Variants in DARS1 observed in about 807,000 individuals in gnomAD.
DARS1 encodes the protein aspartate--tRNA ligase, cytoplasmic.
Under a neutral mutation model 68.8 loss-of-function variants are expected in DARS1, and 51 were observed. That is an observed-to-expected ratio of 0.74 (90% CI 0.59 to 0.94). The LOEUF is 0.94. Ranked by LOEUF, DARS1 falls within the 40% of genes least tolerant of loss-of-function variation. DARS1 has a pLI of 0.00. For missense variants in DARS1, 607 were observed against 597.3 expected, an observed-to-expected ratio of 1.02 and a Z score of -0.17; for synonymous variants, 203 against 190.4, an observed-to-expected ratio of 1.07 and a Z score of -0.55.
At chr2:135,913,265 T>C (rs1422398222) in intron 12 of DARS1, among the ~76,000 whole-genome samples, 1 of 152,178 alleles carries the variant, frequency 6.6e-6, no homozygotes, top group Non-Finnish European at 1.5e-5. Flanking sequence ...ATTTGATGTA[T>C]TTTACAATAT....
intron 10 of DARS1, 55 bp from the exon 11 acceptor site, chr2:135,916,427 A>AGTGACCTCTTGTGGGGG: frequency 9.6e-7 from 1 of 1,041,068 alleles, no homozygotes; most frequent in Non-Finnish European, 1.5e-6. Context: ...TTTCCCCCAC[A>AGTGACCTCTTGTGGGGG]AGAGGTCACT....
intron 3 of DARS1, among the ~76,000 whole-genome samples, chr2:135,976,257 T>C (rs1244455880): frequency 2.0e-5 from 3 of 152,228 alleles, no homozygotes; most frequent in African/African-American, 7.2e-5. Context: ...GCAGAACAAG[T>C]GAATTACACT....
At chr2:135,951,363 G>A (rs1681834964) in intron 4 of DARS1, among the ~76,000 whole-genome samples, 1 of 152,172 alleles carries the variant, frequency 6.6e-6, no homozygotes, top group Non-Finnish European at 1.5e-5. Context: ...ATTTATTCCA[G>A]ATTAATGGTG....
chr2:135,917,528 C>T (rs990355022), intron 10 of DARS1, among the ~76,000 whole-genome samples: 2 of 151,556 alleles, frequency 1.3e-5, no homozygotes, highest in Non-Finnish European at 1.5e-5. Flanking sequence ...CAGGCTGGAG[C>T]GCAGTGGTGC....
chr2:135,950,835 T>G (rs74674565), intron 4 of DARS1, among the ~76,000 whole-genome samples: 3 of 152,088 alleles, frequency 2.0e-5, no homozygotes, highest in African/African-American at 7.2e-5. Flanking sequence ...AGCCTGGTGT[T>G]AGATGATGGA....
chr2:135,978,298 A>G (rs1440108952), intron 3 of DARS1, among the ~76,000 whole-genome samples: 1 of 152,182 alleles, frequency 6.6e-6, no homozygotes, highest in Non-Finnish European at 1.5e-5. Flanking sequence ...ACAATTAAAA[A>G]ATGCTATTAT....
intron 4 of DARS1, among the ~76,000 whole-genome samples, chr2:135,960,302 G>A (rs1051921948): frequency 1.3e-5 from 2 of 152,094 alleles, no homozygotes; most frequent in African/African-American, 2.4e-5. Context: ...TCTTAAATCC[G>A]AGTGCAGGTA....
intron 5 of DARS1, among the ~76,000 whole-genome samples, chr2:135,939,219 C>A (rs1681541152): frequency 1.3e-5 from 2 of 152,184 alleles, no homozygotes; most frequent in South Asian, 4.1e-4. Context: ...CTTCTCAGCA[C>A]CACATTGCAC....
chr2:135,941,532 G>A (rs1482150372), intron 5 of DARS1, among the ~76,000 whole-genome samples: 7 of 151,600 alleles, frequency 4.6e-5, no homozygotes, highest in Non-Finnish European at 8.8e-5. Flanking sequence ...AGACTTAAAC[G>A]TTAGACCTAA....
At chr2:135,960,248 T>C (rs1682071426) in intron 4 of DARS1, among the ~76,000 whole-genome samples, 1 of 152,206 alleles carries the variant, frequency 6.6e-6, no homozygotes. Context: ...ATTAAAATAC[T>C]ACTGATCTCA....
rs1201609764 is a variant in DARS1 at position 135,983,436 on chromosome 2, A to C, written c.85T>G (p.Tyr29Asp). Residue 29 changes from tyrosine (Y) to aspartate (D), a missense_variant, in exon 2 of 16, where the codon TAT becomes GAT. Tyr to Asp is a radical substitution (Grantham distance 160). Coordinates refer to ENST00000264161, the MANE Select transcript of DARS1 (RefSeq NM_001349.4). ...DAAEDYAKERYGISSMIQSQE... is the reference protein window; with the variant it reads ...DAAEDYAKERDGISSMIQSQE... ...GATTGTATCATTGAAGATATTCCATATCTCTCTTTAGCATAATCCTACAAA... is the reference window on the plus strand; with the variant it reads ...GATTGTATCATTGAAGATATTCCATCTCTCTCTTTAGCATAATCCTACAAA... 4 of 1,207,124 alleles carry C rather than the reference A, an allele frequency of 3.3e-6. No homozygotes were observed. The South Asian group carries it at 3.8e-5, about 11-fold the overall frequency. 74.8% of individuals were successfully genotyped at this position (1,207,124 alleles called of 1,614,324 possible).
intron 4 of DARS1, among the ~76,000 whole-genome samples, chr2:135,956,172 C>T (rs1558793398): frequency 6.6e-6 from 1 of 152,024 alleles, no homozygotes; most frequent in Non-Finnish European, 1.5e-5. Context: ...TCAGGGAAAA[C>T]CAGAGATGGA....
At chr2:135,940,165 A>G (rs937624079) in intron 5 of DARS1, among the ~76,000 whole-genome samples, 1 of 152,248 alleles carries the variant, frequency 6.6e-6, no homozygotes, top group Non-Finnish European at 1.5e-5. Context: ...TTATGAGGTC[A>G]GCATCATCCT....
At chr2:135,955,606 A>G (rs1215663228) in intron 4 of DARS1, among the ~76,000 whole-genome samples, 1 of 151,962 alleles carries the variant, frequency 6.6e-6, no homozygotes, top group African/African-American at 2.4e-5. Flanking sequence ...CAGCATCAAA[A>G]GAACAAAAAT....
At chr2:135,926,382 T>C (rs1192939888) in intron 7 of DARS1, among the ~76,000 whole-genome samples, 3 of 152,118 alleles carry the variant, frequency 2.0e-5, no homozygotes, top group Non-Finnish European at 2.9e-5. Context: ...ATAAGAAAAA[T>C]GATTTTTTTC....
intron 5 of DARS1, among the ~76,000 whole-genome samples, chr2:135,937,534 A>G (rs1199659888): frequency 6.6e-6 from 1 of 152,320 alleles, no homozygotes; most frequent in East Asian, 1.9e-4. Context: ...TAGTTAATTA[A>G]TCATTCTTTA....
chr2:135,905,883 A>C lies in DARS1; in HGVS notation c.*1433T>G, dbSNP rs1023775747. Among the ~76,000 whole-genome samples, 1 of 152,252 alleles carries C rather than the reference A, an allele frequency of 6.6e-6. No homozygotes were observed. The highest frequency in any genetic ancestry group is 1.5e-5 in the Non-Finnish European group (1 of 68,046). ...CAATAAAAAAGATTACATCATTCTA[A>C]GACTTTACAAACTTTATTTTGAAAC... On this transcript the variant is annotated 3_prime_UTR_variant, in exon 16 of 16. Coordinates refer to ENST00000264161, the MANE Select transcript of DARS1 (RefSeq NM_001349.4).
chr2:135,907,242 C>CTTTATTTTTTTTTTTTT lies in DARS1; in HGVS notation c.*73_*74insAAAAAAAAAAAAATAAA, dbSNP rs1182305580. 2.4e-6 allele frequency: 1 copy of CTTTATTTTTTTTTTTTT among 423,204 alleles called. No homozygotes were observed. The highest frequency in any genetic ancestry group is 2.9e-5 in the African/African-American group (1 of 34,932). The allele number at this position is 423,204 out of a possible 1,614,324, so 26.2% of individuals were successfully genotyped here. A position where few individuals can be genotyped will look rare whatever the true frequency, so the allele number is the denominator to read the frequency against. ...TACTGAAAAGAATAAGTGTGGCTTT[C>CTTTATTTTTTTTTTTTT]TTTTTTTTTTTTTTTTTTTGAGGCA... On this transcript the variant is annotated 3_prime_UTR_variant, in exon 16 of 16. Transcript: ENST00000264161.
intron 12 of DARS1, 65 bp from the exon 13 acceptor site, chr2:135,912,631 ATTAACT>A: frequency 3.1e-6 from 2 of 654,786 alleles, no homozygotes; most frequent in Non-Finnish European, 5.3e-6. Context: ...CATTTTGGTA[ATTAACT>A]TTATACAAAA....
Sources: gnomAD v4.1 joint callset for allele counts (sites outside exome capture counted in the v4.1 genomes callset) on GRCh38, gnomAD v4.1.1 for gene constraint, MANE v1.5 for transcripts, NCBI Gene and HGNC (gene_info 2026-07-23, HGNC 2026-07-21) for gene names.